DLC1: variants seen among roughly 807,000 people sequenced by gnomAD.
DLC1 encodes DLC1 Rho GTPase activating protein, also known as rho GTPase-activating protein 7.
In DLC1, 54 loss-of-function variants were observed where a neutral mutation model predicts 140.3. The observed-to-expected ratio is 0.38, with a 90% CI of 0.31 to 0.48. DLC1 has a LOEUF of 0.48. Ranked by LOEUF, DLC1 falls within the 20% of genes least tolerant of loss-of-function variation. DLC1 has a pLI of 0.96. For missense variants in DLC1, 2,536 were observed against 1,907.0 expected, an observed-to-expected ratio of 1.33 and a Z score of -6.14; for synonymous variants, 986 against 728.1, an observed-to-expected ratio of 1.35 and a Z score of -5.70.
chr8:13,283,389 T>C (rs191611363), intron 5 of DLC1, among the ~76,000 whole-genome samples: 1 of 152,234 alleles, frequency 6.6e-6, no homozygotes, highest in Admixed American at 6.5e-5. Context: ...CTGTAATCTC[T>C]GAGAGAAGGT....
intron 5 of DLC1, among the ~76,000 whole-genome samples, chr8:13,190,220 G>A (rs571711656): frequency 1.3e-5 from 2 of 152,228 alleles, no homozygotes; most frequent in Non-Finnish European, 2.9e-5. Flanking sequence ...TTTATCCAAG[G>A]TGGTACTGGC....
chr8:13,257,366 G>T (rs1563202806), intron 5 of DLC1, among the ~76,000 whole-genome samples: 1 of 150,132 alleles, frequency 6.7e-6, no homozygotes, highest in Non-Finnish European at 1.5e-5. Context: ...GAGCCCCAGG[G>T]TTCAAGACTA....
chr8:13,584,695 G>A (rs1805238820), intron 1 of DLC1, among the ~76,000 whole-genome samples: 3 of 152,180 alleles, frequency 2.0e-5, no homozygotes, highest in South Asian at 4.1e-4. Context: ...TAGCTTAGCT[G>A]GAGTGCAGAG....
intron 4 of DLC1, among the ~76,000 whole-genome samples, chr8:13,311,960 G>T (rs1283999773): frequency 1.3e-5 from 2 of 152,170 alleles, no homozygotes; most frequent in African/African-American, 4.8e-5. Context: ...GCTGTCTTGA[G>T]ATACCTAAAT....
At chr8:13,136,691 C>T (rs1049717185) in intron 5 of DLC1, among the ~76,000 whole-genome samples, 3 of 152,162 alleles carry the variant, frequency 2.0e-5, no homozygotes, top group Admixed American at 2.0e-4. Context: ...CGTGCCACCA[C>T]ATCTGGCTAA....
chr8:13,280,089 C>G lies in DLC1; in HGVS notation c.1348+25180G>C, dbSNP rs1410425952. Among the ~76,000 whole-genome samples, 8 of 150,288 alleles carry G rather than the reference C, an allele frequency of 5.3e-5. No homozygotes were observed. In the East Asian group the frequency reaches 1.6e-3, roughly 30 times the overall value. Reference sequence around the variant, plus strand: ...GGTCGGGAGATCGAGACCATCCTGGCTAACACAGTGAAACCCCCGTCTCTA... The same window carrying G: ...GGTCGGGAGATCGAGACCATCCTGGGTAACACAGTGAAACCCCCGTCTCTA... On this transcript the variant is annotated intron_variant, in intron 5 of 17. Coordinates refer to ENST00000276297, the MANE Select transcript of DLC1 (RefSeq NM_182643.3).
intron 5 of DLC1, among the ~76,000 whole-genome samples, chr8:13,150,015 T>C (rs1238681018): frequency 6.6e-6 from 1 of 152,254 alleles, no homozygotes; most frequent in Non-Finnish European, 1.5e-5. Context: ...CAGTATTACA[T>C]CAGCCATTTG....
At position 13,376,397 on chromosome 8, in the gene DLC1, C is replaced by T. The variant is rs190545860; in HGVS notation, c.1314+17156G>A. ...GTAAGCACTCTGGTGACCAAATCTT[C>T]TGCGTGACTTGGTGCTATAAGAAAC... On this transcript the variant is annotated intron_variant, in intron 4 of 17. Coordinates refer to ENST00000276297, the MANE Select transcript of DLC1 (RefSeq NM_182643.3). 2.0e-5 allele frequency among the ~76,000 whole-genome samples: 3 copies of T among 152,266 alleles called. No individual in the cohort carries two copies. In the East Asian group the frequency reaches 5.8e-4, roughly 29 times the overall value.
chr8:13,099,697 G>T lies in DLC1; in HGVS notation c.2640C>A (p.Asp880Glu), dbSNP rs777534672. Residue 880 changes from aspartate to glutamate, a missense_variant, in exon 9 of 18, where the codon GAC (aspartate) becomes GAA (glutamate). Asp to Glu is a conservative substitution (Grantham distance 45, BLOSUM62 2). Transcript: ENST00000276297. ...AGTAGAGGATGGAGCCCGGCACGTT[G>T]TCGTAGATGCTCAGGCGGCTGCTCA... ...SSMSSRLSIY[D>E]NVPGSILYSS... is the part of the protein sequence containing the mutation. 1.2e-6 allele frequency: 2 copies of T among 1,614,206 alleles called. No individual in the cohort carries two copies. The highest frequency in any genetic ancestry group is 1.7e-6 in the Non-Finnish European group (2 of 1,180,038).
At chr8:13,582,486 G>C (rs1035495950) in intron 1 of DLC1, among the ~76,000 whole-genome samples, 2 of 152,030 alleles carry the variant, frequency 1.3e-5, no homozygotes, top group African/African-American at 2.4e-5. Flanking sequence ...ATATAAAGCA[G>C]GCAGAAAAAT....
chr8:13,564,070 C>CT (rs1563443185), intron 1 of DLC1, among the ~76,000 whole-genome samples: 1 of 152,064 alleles, frequency 6.6e-6, no homozygotes, highest in Non-Finnish European at 1.5e-5. Context: ...TTATCATTTT[C>CT]TTTTTTAAAA....
chr8:13,248,108 G>A (rs747989550), intron 5 of DLC1, among the ~76,000 whole-genome samples: 3 of 152,192 alleles, frequency 2.0e-5, no homozygotes, highest in Admixed American at 6.5e-5. Context: ...CTTTTGCACA[G>A]GGAAGCTGCC....
chr8:13,106,210 A>G (rs1367420594), intron 7 of DLC1, among the ~76,000 whole-genome samples: 1 of 152,186 alleles, frequency 6.6e-6, no homozygotes, highest in African/African-American at 2.4e-5. Context: ...AAAAGTAAAA[A>G]CAAGCCAAAA....
rs777597726 is a variant in DLC1 at position 13,312,360 on chromosome 8, CAAAAAAAA to C, written c.1315-7066_1315-7059del. ...TGGGCGACAGAGCGAGACTCCGTCTCAAAAAAAAAAAAAAAAAAAAAAAAAAAATAATT... is the reference window on the plus strand; with the variant it reads ...TGGGCGACAGAGCGAGACTCCGTCTCAAAAAAAAAAAAAAAAAAAATAATT... On this transcript the variant is annotated intron_variant, in intron 4 of 17. Transcript: ENST00000276297. Among the ~76,000 whole-genome samples, 15 of 6,642 alleles carry C rather than the reference CAAAAAAAA, an allele frequency of 2.3e-3. 1 individual carries two copies. Among genetic ancestry groups the C allele is most frequent in the African/African-American group, 4.6e-3 (11 of 2,370 alleles). 4.4% of individuals were successfully genotyped at this position (6,642 alleles called of 152,430 possible).
chr8:13,330,737 C>T (rs1235498084), intron 4 of DLC1, among the ~76,000 whole-genome samples: 1 of 152,182 alleles, frequency 6.6e-6, no homozygotes, highest in African/African-American at 2.4e-5. Context: ...CTACATCTGT[C>T]TTTCCTCACT....
intron 5 of DLC1, among the ~76,000 whole-genome samples, chr8:13,181,387 G>C (rs1239324641): frequency 6.8e-6 from 1 of 147,602 alleles, no homozygotes; most frequent in Non-Finnish European, 1.5e-5. Context: ...TGCACAACGT[G>C]TAGGTTTGAT....
intron 7 of DLC1, among the ~76,000 whole-genome samples, chr8:13,109,529 C>T (rs1819884193): frequency 6.6e-6 from 1 of 151,762 alleles, no homozygotes; most frequent in African/African-American, 2.4e-5. Context: ...TGCACTCCAG[C>T]CTGAGCGACA....
At chr8:13,555,104 C>A (rs1467384247) in intron 1 of DLC1, among the ~76,000 whole-genome samples, 1 of 152,204 alleles carries the variant, frequency 6.6e-6, no homozygotes, top group African/African-American at 2.4e-5. Context: ...ATGATTCATT[C>A]CTTTACTTCC....
intron 1 of DLC1, among the ~76,000 whole-genome samples, chr8:13,579,743 G>A (rs1805014449): frequency 6.7e-6 from 1 of 150,364 alleles, no homozygotes; most frequent in Admixed American, 6.7e-5. Flanking sequence ...AGCGGCTTAG[G>A]TAGCAGCAGC....
Sources: gnomAD v4.1 joint callset for allele counts (sites outside exome capture counted in the v4.1 genomes callset) on GRCh38, gnomAD v4.1.1 for gene constraint, MANE v1.5 for transcripts, NCBI Gene and HGNC (gene_info 2026-07-23, HGNC 2026-07-21) for gene names.